The following LONRF1 variants were observed in gnomAD, a reference collection of about 807,000 sequenced individuals.
LONRF1 encodes LON peptidase N-terminal domain and ring finger 1.
In LONRF1, 37 loss-of-function variants were observed where a neutral mutation model predicts 85.8. That is an observed-to-expected ratio of 0.43 (90% CI 0.33 to 0.57). The LOEUF (loss-of-function observed/expected upper bound fraction) is 0.57, where lower values mean the gene tolerates loss of function less well. Among genes scored for constraint, LONRF1 ranks in the 20% least tolerant of loss-of-function variants. The pLI is 0.04. For synonymous variants in LONRF1, 517 were observed against 390.1 expected (o/e 1.33, Z -3.83); for missense variants, 1,036 against 978.0 (o/e 1.06, Z -0.79).
chr8:12,738,701 C>T (rs1450559874), intron 3 of LONRF1: 3 of 152,176 alleles, frequency 2.0e-5, no homozygotes, highest in East Asian at 1.9e-4. Flanking sequence ...CCTATAATAG[C>T]GAGGAAATAA....
At chr8:12,723,882 T>A (rs534447098) in intron 11 of LONRF1, among the ~76,000 whole-genome samples, 1 of 152,180 alleles carries the variant, frequency 6.6e-6, no homozygotes, top group African/African-American at 2.4e-5. Flanking sequence ...AAAAGAAACA[T>A]ATCTCCAGTG....
At chr8:12,754,444 AG>A in intron 1 of LONRF1, 2 of 338,094 alleles carry the variant, frequency 5.9e-6, no homozygotes, top group Non-Finnish European at 1.0e-5. Flanking sequence ...GCCGCGGCCG[AG>A]GGAACCCCGC....
chr8:12,732,839 A>C (rs903585268), intron 7 of LONRF1, among the ~76,000 whole-genome samples: 1 of 152,222 alleles, frequency 6.6e-6, no homozygotes, highest in Non-Finnish European at 1.5e-5. Flanking sequence ...TACAAAGAAA[A>C]TGCCCAATAC....
At chr8:12,733,100 A>G (rs1798590129) in intron 7 of LONRF1, among the ~76,000 whole-genome samples, 1 of 152,110 alleles carries the variant, frequency 6.6e-6, no homozygotes, top group African/African-American at 2.4e-5. Flanking sequence ...CCAAGAATCT[A>G]TGTTTCTAAC....
chr8:12,752,620 A>T (rs951760616), intron 1 of LONRF1, among the ~76,000 whole-genome samples: 5 of 152,240 alleles, frequency 3.3e-5, no homozygotes. Flanking sequence ...CTTGAAAAAA[A>T]GAGAGATTAC....
At chr8:12,737,580 C>G (rs1798769854) in intron 4 of LONRF1, among the ~76,000 whole-genome samples, 3 of 151,952 alleles carry the variant, frequency 2.0e-5, no homozygotes, top group Non-Finnish European at 4.4e-5. Flanking sequence ...CTTGAGCATC[C>G]TTGGATTTGC....
chr8:12,727,368 T>C (rs1250802254), intron 10 of LONRF1: 2 of 151,030 alleles, frequency 1.3e-5, no homozygotes, highest in Non-Finnish European at 3.0e-5. Flanking sequence ...TAAAATTTCA[T>C]TAGAAGTCAC....
chr8:12,737,756 A>G (rs578219347), intron 4 of LONRF1, among the ~76,000 whole-genome samples: 4 of 152,188 alleles, frequency 2.6e-5, no homozygotes, highest in Non-Finnish European at 5.9e-5. Context: ...TGTTCTATAC[A>G]TATTTTTAAA....
intron 1 of LONRF1, among the ~76,000 whole-genome samples, chr8:12,745,471 C>A (rs1799113563): frequency 6.6e-6 from 1 of 152,124 alleles, no homozygotes; most frequent in African/African-American, 2.4e-5. Context: ...TACACAAGGT[C>A]TGCCTTCCAC....
rs532545416 is a variant in LONRF1, at chr8:12,734,552, G to A, written c.1566+734C>T. ...GCAGTCACTCAAGCATGATTAAGAG[G>A]GTGCTCTCTTCTCATCAATTAGAGA... On this transcript the variant is annotated intron_variant, in intron 7 of 11. Coordinates refer to ENST00000398246, the MANE Select transcript of LONRF1 (RefSeq NM_152271.5). Among the ~76,000 whole-genome samples the A allele has an allele frequency of 7.9e-5, 12 of 152,086 alleles. No homozygotes were observed. In the East Asian group the frequency reaches 2.1e-3, roughly 27 times the overall value.
At chr8:12,728,677 G>A (rs951645243) in intron 10 of LONRF1, among the ~76,000 whole-genome samples, 2 of 152,222 alleles carry the variant, frequency 1.3e-5, no homozygotes, top group African/African-American at 4.8e-5. Flanking sequence ...TGTTAAGCCT[G>A]CAGAAATAAA....
At chr8:12,723,862 T>C (rs150996727) in intron 11 of LONRF1, among the ~76,000 whole-genome samples, 1 of 152,204 alleles carries the variant, frequency 6.6e-6, no homozygotes, top group African/African-American at 2.4e-5. Flanking sequence ...CAGCTTCCAA[T>C]GTTGTTCAAA....
chr8:12,725,747 C>G lies in LONRF1; in HGVS notation c.2143G>C (p.Glu715Gln). Reference protein sequence around the residue: ...QILQHFGSMPEREENLQAAPN... With the variant: ...QILQHFGSMPQREENLQAAPN... ...CATACCTGAAGGTTTTCCTCCCTCTCGGGCATTGATCCGAAATGCTGAAGA... is the reference window on the plus strand; with the variant it reads ...CATACCTGAAGGTTTTCCTCCCTCTGGGGCATTGATCCGAAATGCTGAAGA... The change falls in exon 11 of 12, where the codon GAG (glutamate) becomes CAG (glutamine). Residue 715 changes from glutamate (E) to glutamine (Q), a missense_variant. Physicochemically the swap from Glu to Gln is conservative, Grantham distance 29 (BLOSUM62 2). Coordinates refer to ENST00000398246, the MANE Select transcript of LONRF1 (RefSeq NM_152271.5). 1 of 1,613,044 alleles carries G rather than the reference C, an allele frequency of 6.2e-7. No individual in the cohort carries two copies. The highest frequency in any genetic ancestry group is 1.1e-5 in the South Asian group (1 of 91,012).
At chr8:12,731,998 A>G (rs1485231638) in intron 7 of LONRF1, 141 bp from the exon 8 acceptor site, 2 of 805,022 alleles carry the variant, frequency 2.5e-6, no homozygotes, top group East Asian at 2.7e-5. Context: ...GAACATTACA[A>G]TGGATGATGC....
At chr8:12,727,908 G>C (rs1798382098) in intron 10 of LONRF1, among the ~76,000 whole-genome samples, 1 of 152,174 alleles carries the variant, frequency 6.6e-6, no homozygotes, top group African/African-American at 2.4e-5. Context: ...TAGTGATAAA[G>C]CTCAAAGTCT....
In LONRF1 at chr8:12,736,931, T is replaced by G; in HGVS notation, c.1323A>C (p.Glu441Asp). Reference sequence around the variant, plus strand: ...GTTTTTTCAGCTTATTTCTTCCATCTTCATTTACAATCACATCCTGTTCTA... The same window carrying G: ...GTTTTTTCAGCTTATTTCTTCCATCGTCATTTACAATCACATCCTGTTCTA... ...SLLEQDVIVN[E>D]DGRNKLKKQG... Residue 441 changes from glutamate to aspartate, a missense_variant, in exon 5 of 12, where the codon GAA (glutamate) becomes GAC (aspartate). By Grantham distance (45) the Glu-to-Asp change is conservative (BLOSUM62 2). Around this residue, in one of 3 missense-constraint regions of LONRF1, gnomAD observed 742 missense variants for 614.4 expected, o/e 1.21. Coordinates refer to ENST00000398246, the MANE Select transcript of LONRF1 (RefSeq NM_152271.5). 1.9e-6 allele frequency: 3 copies of G among 1,611,598 alleles called. No homozygotes were observed. The highest frequency in any genetic ancestry group is 2.5e-6 in the Non-Finnish European group (3 of 1,179,046).
chr8:12,728,689 A>G (rs1283579023), intron 10 of LONRF1, among the ~76,000 whole-genome samples: 2 of 152,250 alleles, frequency 1.3e-5, no homozygotes, highest in Non-Finnish European at 2.9e-5. Context: ...AGAAATAAAG[A>G]GAATCTATGT....
At chr8:12,726,139 C>G (rs1798289097) in intron 10 of LONRF1, 2 of 336,148 alleles carry the variant, frequency 5.9e-6, no homozygotes, top group African/African-American at 2.1e-5. Context: ...AACCCTACAA[C>G]AGCCCTCAAG....
chr8:12,733,044 G>C (rs1018509930), intron 7 of LONRF1, among the ~76,000 whole-genome samples: 1 of 152,132 alleles, frequency 6.6e-6, no homozygotes, highest in Non-Finnish European at 1.5e-5. Flanking sequence ...TTAAAATACA[G>C]ACTACTGAGC....
Sources: allele counts gnomAD v4.1 joint callset (sites outside exome capture counted in the v4.1 genomes callset), GRCh38; gene constraint gnomAD v4.1.1; regional missense constraint gnomAD v4.1.1; transcripts MANE v1.5; gene names NCBI Gene and HGNC (gene_info 2026-07-23, HGNC 2026-07-21).